The following DSC2 variants were observed in gnomAD, a reference collection of about 807,000 sequenced individuals.
DSC2 encodes desmocollin-2.
In DSC2, 51 loss-of-function variants were observed where a neutral mutation model predicts 87.6. The ratio of observed to expected loss-of-function variants is 0.58; its 90% CI spans 0.46 to 0.74. The LOEUF (loss-of-function observed/expected upper bound fraction) is 0.74. Among genes scored for constraint, DSC2 ranks in the 30% least tolerant of loss-of-function variants. The pLI, the probability that DSC2 is intolerant of heterozygous loss-of-function variation, is 0.00. For synonymous variants in DSC2, 383 were observed against 393.2 expected (o/e 0.97, Z 0.31); for missense variants, 1,066 against 1,089.5 (o/e 0.98, Z 0.30).
rs903767430 is a variant in DSC2, at chr18:31,064,169, C to A, written c.*3846G>T. 1 of 152,156 alleles carries A rather than the reference C, an allele frequency of 6.6e-6. No individual in the cohort carries two copies. The highest frequency in any genetic ancestry group is 1.5e-5 in the Non-Finnish European group (1 of 68,040). The allele number at this position is 152,156 out of a possible 1,614,324, so 9.4% of individuals were successfully genotyped here. ...GTTCACTCACTAGTGTCCTGAAGTT[C>A]TTTCACATCATCTGAAGCTTTTTAA... On this transcript the variant is annotated 3_prime_UTR_variant, in exon 16 of 16. Transcript: ENST00000280904.
intron 11 of DSC2, among the ~76,000 whole-genome samples, chr18:31,078,285 C>T (rs1297780399): frequency 1.3e-5 from 2 of 152,204 alleles, no homozygotes; most frequent in Non-Finnish European, 2.9e-5. Context: ...ATTACTGATT[C>T]ACAGTTCTCT....
chr18:31,068,352 T>TA (rs1266743950), intron 15 of DSC2, 140 bp from the exon 16 acceptor site: 8 of 1,612,316 alleles, frequency 5.0e-6, no homozygotes, highest in South Asian at 4.4e-5. Flanking sequence ...TTCCTATACA[T>TA]AAAAAATGCA....
At chr18:31,082,863 T>G in intron 8 of DSC2, 63 bp downstream of exon 8, 1 of 1,575,998 alleles carries the variant, frequency 6.3e-7, no homozygotes, top group Non-Finnish European at 8.7e-7. Context: ...AGGCCAGAGA[T>G]GTGCATATTA....
intron 6 of DSC2, 31 bp downstream of exon 6, chr18:31,087,638 T>C (rs1353695066): frequency 6.2e-6 from 10 of 1,602,978 alleles, no homozygotes; most frequent in Non-Finnish European, 8.5e-6. Context: ...ACACAGTTAA[T>C]TTGCCATATA....
rs913109996 is a variant in DSC2, at chr18:31,097,643, T to C, written c.70-4000A>G. 2.6e-5 allele frequency among the ~76,000 whole-genome samples: 4 copies of C among 151,980 alleles called. No individual in the cohort carries two copies. In the East Asian group the frequency reaches 5.8e-4, roughly 22 times the overall value. On this transcript the variant is annotated intron_variant, in intron 1 of 15. Transcript: ENST00000280904. ...ACCCTAGCAGATATTACAAATCATA[T>C]AAAATCTCAACAATTAAATCAATAT... is the stretch of plus-strand genomic sequence containing the variant.
intron 1 of DSC2, 99 bp downstream of exon 1, chr18:31,101,804 C>CT: frequency 7.8e-7 from 1 of 1,290,216 alleles, no homozygotes; most frequent in Non-Finnish European, 1.0e-6. Flanking sequence ...TTCACCCCAG[C>CT]TTTTCCCGCC....
At chr18:31,069,254 A>G (rs1332473208) in intron 14 of DSC2, 103 bp from the exon 15 acceptor site, 1 of 1,418,680 alleles carries the variant, frequency 7.0e-7, no homozygotes, top group East Asian at 2.3e-5. Context: ...TGTGTATGCT[A>G]GAAGGTAAGC....
At chr18:31,092,856 AC>A (rs1987646771) in intron 2 of DSC2, among the ~76,000 whole-genome samples, 1 of 152,172 alleles carries the variant, frequency 6.6e-6, no homozygotes, top group African/African-American at 2.4e-5. Context: ...ACTAAAAAAA[AC>A]AGTTTCAGTA....
chr18:31,084,324 T>C lies in DSC2; in HGVS notation c.943-1264A>G, dbSNP rs139699650. On this transcript the variant is annotated intron_variant, in intron 7 of 15. Coordinates refer to ENST00000280904, the MANE Select transcript of DSC2 (RefSeq NM_024422.6). Reference sequence around the variant, plus strand: ...GAAAAATTTTAAAACATCATGCTACTGTACTTTCAAGAAGGAATACATATT... The same window carrying C: ...GAAAAATTTTAAAACATCATGCTACCGTACTTTCAAGAAGGAATACATATT... Among the ~76,000 whole-genome samples the C allele has an allele frequency of 5.4e-3, 819 of 152,262 alleles. 6 individuals are homozygous for C. Among genetic ancestry groups the C allele is most frequent in the Middle Eastern group, 0.041 (12 of 294 alleles).
rs976421088 is a variant in DSC2, at chr18:31,067,746, C to A, written c.*269G>T. On this transcript the variant is annotated 3_prime_UTR_variant, in exon 16 of 16. Coordinates refer to ENST00000280904, the MANE Select transcript of DSC2 (RefSeq NM_024422.6). ...CTATAAATTGGCTGTTGTCATTATACCCAAATGTAACAAATAAGGCAGACT... is the reference window on the plus strand; with the variant it reads ...CTATAAATTGGCTGTTGTCATTATAACCAAATGTAACAAATAAGGCAGACT... 4 of 391,870 alleles carry A rather than the reference C, an allele frequency of 1.0e-5. No individual in the cohort carries two copies. The highest frequency in any genetic ancestry group is 1.9e-5 in the Non-Finnish European group (4 of 214,176). 24.3% of individuals were successfully genotyped at this position (391,870 alleles called of 1,614,324 possible). A position where few individuals can be genotyped will look rare whatever the true frequency, so the allele number is the denominator to read the frequency against.
rs931573607 is a variant in DSC2 at position 31,061,147 on chromosome 18, C to T, written c.*6868G>A. On this transcript the variant is annotated 3_prime_UTR_variant, in exon 16 of 16. Transcript: ENST00000280904. The stretch of plus-strand genomic sequence containing the variant: ...TATTTTCAGCAACACCAGGGTGATT[C>T]TGATGCTGATGGTCAGTGAAACACA... 10 of 152,226 alleles carry T rather than the reference C, an allele frequency of 6.6e-5. No homozygotes were observed. Among genetic ancestry groups the T allele is most frequent in the African/African-American group, 1.4e-4 (6 of 41,464 alleles). The allele number at this position is 152,226 out of a possible 1,614,324, so 9.4% of individuals were successfully genotyped here.
Position 31,080,088 on chromosome 18 carries a change from G to C in DSC2, c.1520+8C>G, listed in dbSNP as rs372979057. ...TATATTTTAAAACTAAAATAGAATG[G>C]TAAGTACCTTATGCCACTGCTACTT... On this transcript the variant is annotated splice_region_variant and intron_variant, in intron 10 of 15. Coordinates refer to ENST00000280904, the MANE Select transcript of DSC2 (RefSeq NM_024422.6). The C allele has an allele frequency of 4.1e-5, 66 of 1,613,644 alleles. No individual in the cohort carries two copies. The African/African-American group carries it at 8.4e-4, about 21-fold the overall frequency.
In DSC2 at chr18:31,062,557, G is replaced by GCATTTATTCATTCATC. The variant is rs1376469551; in HGVS notation, c.*5442_*5457dup. 6.6e-6 allele frequency: 1 copy of GCATTTATTCATTCATC among 152,184 alleles called. No homozygotes were observed. The highest frequency in any genetic ancestry group is 1.5e-5 in the Non-Finnish European group (1 of 68,044). 9.4% of individuals were successfully genotyped at this position (152,184 alleles called of 1,614,324 possible). A position where few individuals can be genotyped will look rare whatever the true frequency, so the allele number is the denominator to read the frequency against. Reference sequence around the variant, plus strand: ...TTAGCCAGGTACCTAACACACATGTGCATTTATTCATTCATCCATTTATTC... The same window carrying GCATTTATTCATTCATC: ...TTAGCCAGGTACCTAACACACATGTGCATTTATTCATTCATCCATTTATTCATTCATCCATTTATTC... On this transcript the variant is annotated 3_prime_UTR_variant, in exon 16 of 16. Coordinates refer to ENST00000280904, the MANE Select transcript of DSC2 (RefSeq NM_024422.6).
chr18:31,084,715 A>G (rs1444146095), intron 7 of DSC2, among the ~76,000 whole-genome samples: 1 of 150,920 alleles, frequency 6.6e-6, no homozygotes, highest in Admixed American at 6.6e-5. Flanking sequence ...ATCTATGGCT[A>G]TGCAGACTAT....
At position 31,081,158 on chromosome 18, in the gene DSC2, C is replaced by T. The variant is rs141330094; in HGVS notation, c.1264-806G>A. ...CCTAAGATGAATAAAATTATTTGTA[C>T]CTGGTATGAGGAAGAGAAAAAAATG... On this transcript the variant is annotated intron_variant, in intron 9 of 15. Transcript: ENST00000280904. Among the ~76,000 whole-genome samples the T allele has an allele frequency of 4.7e-3, 715 of 152,104 alleles. 5 individuals carry two copies. The highest frequency in any genetic ancestry group is 0.017 in the African/African-American group (703 of 41,470).
intron 8 of DSC2, 64 bp from the exon 9 acceptor site, chr18:31,082,487 G>T: frequency 7.2e-7 from 1 of 1,395,062 alleles, no homozygotes; most frequent in African/African-American, 1.4e-5. Flanking sequence ...AACACGATGT[G>T]AAGTAAATCC....
intron 12 of DSC2, among the ~76,000 whole-genome samples, chr18:31,074,261 T>C (rs1350046654): frequency 2.6e-5 from 4 of 152,144 alleles, no homozygotes; most frequent in Admixed American, 2.6e-4. Flanking sequence ...TGAGATGCCC[T>C]GCCTCAGGGT....
chr18:31,072,743 T>A (rs1053572932), intron 12 of DSC2, among the ~76,000 whole-genome samples: 2 of 152,202 alleles, frequency 1.3e-5, no homozygotes, highest in East Asian at 3.9e-4. Context: ...CTCTCCCACA[T>A]AGCTGCCCAG....
In DSC2 at chr18:31,091,117, CT is replaced by C; in HGVS notation, c.384del (p.Val129PhefsTer2). The C allele has an allele frequency of 6.2e-7, 1 of 1,614,020 alleles. No individual in the cohort carries two copies. The highest frequency in any genetic ancestry group is 2.2e-5 in the East Asian group (1 of 44,870). ...KVLKKRHTKE[K>X]VLRRAKRRWA... ...CATCTTCTCTTGGCGCGCCTTAGAA[CT>C]TTTTCTTTAGTATGTCTTTTCTTTA... On this transcript the variant is annotated frameshift_variant, in exon 4 of 16. Transcript: ENST00000280904. LOFTEE classifies it high-confidence loss of function.
Sources: gnomAD v4.1 joint callset for allele counts (sites outside exome capture counted in the v4.1 genomes callset) on GRCh38, gnomAD v4.1.1 for gene constraint, MANE v1.5 for transcripts, NCBI Gene and HGNC (gene_info 2026-07-23, HGNC 2026-07-21) for gene names.